Variants in DESI2 observed in about 807,000 individuals in gnomAD.
DESI2 encodes desumoylating isopeptidase 2.
Under a neutral mutation model 24.1 loss-of-function variants are expected in DESI2, and 10 were observed. That is an observed-to-expected ratio of 0.41 (90% CI 0.26 to 0.70). The LOEUF (loss-of-function observed/expected upper bound fraction) is 0.70. Ranked by LOEUF, DESI2 falls within the 30% of genes least tolerant of loss-of-function variation. The probability of loss-of-function intolerance (pLI) is 0.29; values close to 1 mark genes in which losing one functional copy is unlikely to be tolerated. For synonymous variants in DESI2, 71 were observed against 87.7 expected, an observed-to-expected ratio of 0.81 and a Z score of 1.06; for missense variants, 122 against 234.9, an observed-to-expected ratio of 0.52 and a Z score of 3.14.
At chr1:244,656,789 T>A (rs1480923134) in intron 1 of DESI2, among the ~76,000 whole-genome samples, 1 of 152,250 alleles carries the variant, frequency 6.6e-6, no homozygotes, top group Non-Finnish European at 1.5e-5. Context: ...TTATTTATTT[T>A]ATTTATTTGT....
intron 1 of DESI2, 152 bp from the exon 2 acceptor site, chr1:244,686,445 A>G (rs1394351646): frequency 7.0e-6 from 4 of 573,052 alleles, no homozygotes; most frequent in Non-Finnish European, 9.4e-6. Context: ...CAGATGTGGT[A>G]CAGGCAAAGG....
intron 1 of DESI2, among the ~76,000 whole-genome samples, chr1:244,667,721 T>G (rs1446041181): frequency 6.6e-6 from 1 of 152,188 alleles, no homozygotes; most frequent in Admixed American, 6.5e-5. Context: ...TCCTCAGTCC[T>G]AACTTTTCTT....
intron 1 of DESI2, chr1:244,653,765 T>C: frequency 3.0e-6 from 1 of 337,866 alleles, no homozygotes; most frequent in Non-Finnish European, 5.7e-6. Context: ...CCTCTGCTTC[T>C]GCCGAACTGT....
At chr1:244,679,462 G>A (rs762949839) in intron 1 of DESI2, among the ~76,000 whole-genome samples, 2 of 152,068 alleles carry the variant, frequency 1.3e-5, no homozygotes. Context: ...TTAACCTTTT[G>A]CTACATTTAC....
intron 4 of DESI2, among the ~76,000 whole-genome samples, chr1:244,700,786 T>C (rs1274420252): frequency 6.6e-6 from 1 of 152,206 alleles, no homozygotes; most frequent in Non-Finnish European, 1.5e-5. Context: ...ACATAATTGC[T>C]CATTTGTTTT....
chr1:244,697,903 A>T (rs1164719374), intron 4 of DESI2, among the ~76,000 whole-genome samples: 2 of 152,196 alleles, frequency 1.3e-5, no homozygotes, highest in African/African-American at 4.8e-5. Flanking sequence ...AAAGTAAAAA[A>T]GGGCAGAGGA....
intron 2 of DESI2, 29 bp downstream of exon 2, chr1:244,686,698 C>T: frequency 1.4e-6 from 2 of 1,444,468 alleles, no homozygotes; most frequent in Non-Finnish European, 1.9e-6. Flanking sequence ...TAAATATACT[C>T]TCTGAAGATT....
chr1:244,683,404 C>T (rs1288597516), intron 1 of DESI2, among the ~76,000 whole-genome samples: 2 of 151,908 alleles, frequency 1.3e-5, no homozygotes, highest in Admixed American at 6.6e-5. Flanking sequence ...CTCCGCCTCC[C>T]AGGTTCATGC....
chr1:244,671,631 G>A (rs1236092082), intron 1 of DESI2, among the ~76,000 whole-genome samples: 1 of 152,064 alleles, frequency 6.6e-6, no homozygotes, highest in Non-Finnish European at 1.5e-5. Context: ...TAAACTTTTG[G>A]CGTCTGCTAC....
intron 1 of DESI2, among the ~76,000 whole-genome samples, chr1:244,668,975 C>G (rs1237357289): frequency 1.3e-5 from 2 of 152,172 alleles, no homozygotes; most frequent in East Asian, 3.9e-4. Context: ...CATATTAATA[C>G]TTTAGAATGC....
chr1:244,660,227 G>A (rs536506745), intron 1 of DESI2, among the ~76,000 whole-genome samples: 2 of 152,228 alleles, frequency 1.3e-5, no homozygotes, highest in South Asian at 4.2e-4. Context: ...GTGCAGCAGC[G>A]CCATCTCTGC....
At chr1:244,701,212 T>TCCCCCCCC (rs1677442100) in intron 4 of DESI2, among the ~76,000 whole-genome samples, 3 of 57,720 alleles carry the variant, frequency 5.2e-5, no homozygotes, top group African/African-American at 2.4e-4. Context: ...CACCTTCCCC[T>TCCCCCCCC]CCACCCCCCC....
intron 1 of DESI2, among the ~76,000 whole-genome samples, chr1:244,672,230 G>A (rs1469108437): frequency 2.0e-5 from 3 of 152,136 alleles, no homozygotes; most frequent in Middle Eastern, 3.2e-3. Context: ...GGGGCAGATC[G>A]CTCATGAATG....
chr1:244,675,796 G>A (rs1382375848), intron 1 of DESI2, among the ~76,000 whole-genome samples: 1 of 152,010 alleles, frequency 6.6e-6, no homozygotes, highest in Non-Finnish European at 1.5e-5. Context: ...GTCAATTTCT[G>A]CAAAAAATGG....
chr1:244,688,243 T>C (rs1183734108), intron 2 of DESI2, among the ~76,000 whole-genome samples: 1 of 152,222 alleles, frequency 6.6e-6, no homozygotes, highest in Admixed American at 6.5e-5. Flanking sequence ...CGTACTATAA[T>C]TGAGAAAGTT....
intron 1 of DESI2, among the ~76,000 whole-genome samples, chr1:244,662,265 C>G (rs980465658): frequency 4.6e-5 from 7 of 152,050 alleles, no homozygotes; most frequent in African/African-American, 1.7e-4. Flanking sequence ...TTGTTTTTTT[C>G]TAAATCAAGC....
chr1:244,698,614 T>G (rs1409555633), intron 4 of DESI2, among the ~76,000 whole-genome samples: 1 of 152,232 alleles, frequency 6.6e-6, no homozygotes, highest in Non-Finnish European at 1.5e-5. Flanking sequence ...GACTTGACGC[T>G]TGAGCTAAAA....
rs1016637256 is a variant in DESI2, at chr1:244,708,146, T to C, written c.*2357T>C. On this transcript the variant is annotated 3_prime_UTR_variant, in exon 5 of 5. Coordinates refer to ENST00000302550, the MANE Select transcript of DESI2 (RefSeq NM_016076.5). ...GAATCATTCTCAACCTGATAATCTG[T>C]TAAGAAAAATCCCATATGAACAATC... 2 of 152,236 alleles carry C rather than the reference T, an allele frequency of 1.3e-5. No individual in the cohort carries two copies. Among genetic ancestry groups the C allele is most frequent in the African/African-American group, 4.8e-5 (2 of 41,454 alleles). 9.4% of individuals were successfully genotyped at this position (152,236 alleles called of 1,614,324 possible).
rs1233729315 is a variant in DESI2 at position 244,700,778 on chromosome 1, A to G, written c.352-4778A>G. ...ATCTAAATTCTCAGCAACAAGAAAC[A>G]TAATTGCTCATTTGTTTTACTCCTC... On this transcript the variant is annotated intron_variant, in intron 4 of 4. Transcript: ENST00000302550. Among the ~76,000 whole-genome samples, 2 of 152,238 alleles carry G rather than the reference A, an allele frequency of 1.3e-5. 1 individual carries two copies. Among genetic ancestry groups the G allele is most frequent in the South Asian group, 4.1e-4 (2 of 4,838 alleles).
Sources: gnomAD v4.1 joint callset for allele counts (sites outside exome capture counted in the v4.1 genomes callset) on GRCh38, gnomAD v4.1.1 for gene constraint, MANE v1.5 for transcripts, NCBI Gene and HGNC (gene_info 2026-07-23, HGNC 2026-07-21) for gene names.